The following VPS8 variants were observed in gnomAD, a reference collection of about 807,000 sequenced individuals.
VPS8 encodes vacuolar protein sorting-associated protein 8 homolog.
In VPS8, 129 loss-of-function variants were observed where a neutral mutation model predicts 216.4. The observed-to-expected ratio is 0.60, with a 90% CI of 0.52 to 0.69. VPS8 has a LOEUF of 0.69. VPS8 is among the 30% of genes least tolerant of loss of function. The pLI, the probability that VPS8 is intolerant of heterozygous loss-of-function variation, is 0.00. For synonymous variants in VPS8, 571 were observed against 565.4 expected (o/e 1.01, Z -0.14); for missense variants, 1,531 against 1,683.5 (o/e 0.91, Z 1.59).
In VPS8 at chr3:184,849,090, ACT is replaced by A; in HGVS notation, c.564_565del (p.Cys189SerfsTer3). ...FGKDQNQALR[L>X]CLGSTSVGGQ... ...CTTTAGATCAGAATCAAGCTTTGCG[ACT>A]CTGTCTGGGTAGCACTAGTGTTGGA... On this transcript the variant is annotated frameshift_variant, in exon 9 of 48. Coordinates refer to ENST00000625842, the MANE Select transcript of VPS8 (RefSeq NM_001009921.3). LOFTEE classifies it high-confidence loss of function. 6.2e-7 allele frequency: 1 copy of A among 1,612,692 alleles called. No individual in the cohort carries two copies. Among genetic ancestry groups the A allele is most frequent in the Non-Finnish European group, 8.5e-7 (1 of 1,179,342 alleles).
intron 39 of VPS8, among the ~76,000 whole-genome samples, chr3:184,970,150 G>A (rs918992498): frequency 3.9e-5 from 6 of 151,904 alleles, no homozygotes; most frequent in Non-Finnish European, 8.8e-5. Context: ...ACCTCAGGGT[G>A]ATCCACCCAC....
chr3:185,009,985 CAAAAAAAAAAAAAA>C (rs11367805), intron 45 of VPS8, among the ~76,000 whole-genome samples: 4 of 91,390 alleles, frequency 4.4e-5, no homozygotes, highest in African/African-American at 1.6e-4. Context: ...ACTTCAGGTC[CAAAAAAAAAAAAAA>C]AAAAAAAGGT....
chr3:184,863,182 TG>T, intron 16 of VPS8, 115 bp downstream of exon 16: 1 of 1,294,216 alleles, frequency 7.7e-7, no homozygotes, highest in Non-Finnish European at 1.0e-6. Context: ...TGTCTTGAGG[TG>T]TTTCTTTACA....
chr3:184,898,547 G>A lies in VPS8; in HGVS notation c.2005-18G>A. On this transcript the variant is annotated intron_variant, in intron 23 of 47. Transcript: ENST00000625842. ...GGTGACTGAATTGTATGGACCAAGTGGCTTTTCCTTTTCACAGGTAGTTCT... is the reference window on the plus strand; with the variant it reads ...GGTGACTGAATTGTATGGACCAAGTAGCTTTTCCTTTTCACAGGTAGTTCT... 10 of 1,538,058 alleles carry A rather than the reference G, an allele frequency of 6.5e-6. No individual in the cohort carries two copies. The highest frequency in any genetic ancestry group is 8.8e-6 in the Non-Finnish European group (10 of 1,135,694).
chr3:184,947,313 CCTT>C, intron 36 of VPS8, among the ~76,000 whole-genome samples: 1 of 152,026 alleles, frequency 6.6e-6, no homozygotes, highest in African/African-American at 2.4e-5. Flanking sequence ...TTGAAACTTT[CCTT>C]TCAGAAAGTT....
In VPS8 at chr3:184,866,820, T is replaced by C. The variant is rs1054423612; in HGVS notation, c.1396-56T>C. On this transcript the variant is annotated intron_variant, in intron 16 of 47. Coordinates refer to ENST00000625842, the MANE Select transcript of VPS8 (RefSeq NM_001009921.3). ...TTAATAGTGATGAAATGTTAAAAAA[T>C]ATATTAAATACAAAGGAATTTTTTT... The C allele has an allele frequency of 2.6e-6, 4 of 1,518,968 alleles. No individual in the cohort carries two copies. In the East Asian group the frequency reaches 6.8e-5, roughly 26 times the overall value. 94.1% of individuals were successfully genotyped at this position (1,518,968 alleles called of 1,614,324 possible).
chr3:185,047,745 G>A (rs1713258856), intron 46 of VPS8, among the ~76,000 whole-genome samples: 1 of 152,114 alleles, frequency 6.6e-6, no homozygotes, highest in Non-Finnish European at 1.5e-5. Context: ...CACAGGTGAG[G>A]CAATTGAGGC....
chr3:184,908,001 AG>A (rs912127305), intron 25 of VPS8, among the ~76,000 whole-genome samples: 9 of 152,150 alleles, frequency 5.9e-5, no homozygotes, highest in African/African-American at 2.2e-4. Context: ...ACTTTTCAAA[AG>A]CCCCGCAGAT....
chr3:184,949,954 G>C (rs562880397), intron 36 of VPS8, among the ~76,000 whole-genome samples: 1 of 152,142 alleles, frequency 6.6e-6, no homozygotes, highest in East Asian at 1.9e-4. Context: ...GTGTTGCCCA[G>C]GCTGGAGTGC....
intron 10 of VPS8, among the ~76,000 whole-genome samples, chr3:184,851,988 G>T (rs567800954): frequency 3.0e-4 from 46 of 152,212 alleles, no homozygotes; most frequent in Non-Finnish European, 4.4e-4. Context: ...CAAGGAGGTA[G>T]CACGTTTTGG....
At chr3:184,981,785 G>C (rs947762180) in intron 40 of VPS8, among the ~76,000 whole-genome samples, 4 of 152,142 alleles carry the variant, frequency 2.6e-5, no homozygotes, top group African/African-American at 4.8e-5. Context: ...ACAGAATTTA[G>C]AGTCAGGTAA....
chr3:184,992,199 T>C (rs971739563), intron 42 of VPS8, among the ~76,000 whole-genome samples: 2 of 152,176 alleles, frequency 1.3e-5, no homozygotes, highest in Non-Finnish European at 1.5e-5. Flanking sequence ...ACAATTCTTA[T>C]ACAGGTTTTT....
At chr3:184,971,023 T>C (rs1748315048) in intron 39 of VPS8, among the ~76,000 whole-genome samples, 1 of 152,170 alleles carries the variant, frequency 6.6e-6, no homozygotes, top group Admixed American at 6.5e-5. Context: ...ATTAACTTGG[T>C]TTGTAAATGG....
At chr3:184,901,914 TC>T (rs1202726611) in intron 25 of VPS8, among the ~76,000 whole-genome samples, 1 of 152,198 alleles carries the variant, frequency 6.6e-6, no homozygotes, top group Non-Finnish European at 1.5e-5. Flanking sequence ...ACTTGAGAGT[TC>T]CCGCTCCACA....
At chr3:184,937,454 A>G (rs1008066004) in intron 35 of VPS8, among the ~76,000 whole-genome samples, 8 of 152,344 alleles carry the variant, frequency 5.3e-5, no homozygotes, top group Admixed American at 2.6e-4. Flanking sequence ...TCTACTCTCT[A>G]CCAGTGTGCT....
intron 45 of VPS8, 86 bp downstream of exon 45, chr3:184,999,947 G>A: frequency 7.0e-7 from 1 of 1,432,456 alleles, no homozygotes; most frequent in Non-Finnish European, 9.3e-7. Context: ...CGGTTCCATA[G>A]GTCTCAACAA....
chr3:184,874,214 A>G (rs961527889), intron 21 of VPS8, among the ~76,000 whole-genome samples: 5 of 152,182 alleles, frequency 3.3e-5, no homozygotes, highest in African/African-American at 7.2e-5. Flanking sequence ...TAAAGATAGT[A>G]TATTCCTGGA....
chr3:185,019,275 A>G (rs1427424616), intron 45 of VPS8, among the ~76,000 whole-genome samples: 1 of 151,996 alleles, frequency 6.6e-6, no homozygotes, highest in Non-Finnish European at 1.5e-5. Flanking sequence ...TTGAGCCCCC[A>G]TGTTTGAGCA....
chr3:184,878,159 G>A (rs1424621639), intron 21 of VPS8, among the ~76,000 whole-genome samples: 1 of 151,324 alleles, frequency 6.6e-6, no homozygotes, highest in Non-Finnish European at 1.5e-5. Flanking sequence ...CCTCCAGATT[G>A]GAGTGCAGTG....
Sources: allele counts gnomAD v4.1 joint callset (sites outside exome capture counted in the v4.1 genomes callset), GRCh38; gene constraint gnomAD v4.1.1; transcripts MANE v1.5; gene names NCBI Gene and HGNC (gene_info 2026-07-23, HGNC 2026-07-21).